RPH3A: variants seen among roughly 807,000 people sequenced by gnomAD.
The protein encoded by RPH3A is rabphilin-3A.
In RPH3A, 48 loss-of-function variants were observed where a neutral mutation model predicts 102.2. The observed-to-expected ratio is 0.47, with a 90% CI of 0.37 to 0.60. The LOEUF is 0.60. Among genes scored for constraint, RPH3A ranks in the 20% least tolerant of loss-of-function variants. The probability of loss-of-function intolerance (pLI) is 0.00; values close to 1 mark genes in which losing one functional copy is unlikely to be tolerated. For synonymous variants in RPH3A, 310 were observed against 324.3 expected (o/e 0.96, Z 0.47); for missense variants, 781 against 910.1 (o/e 0.86, Z 1.83).
intron 1 of RPH3A, among the ~76,000 whole-genome samples, chr12:112,781,576 G>A (rs950997976): frequency 6.6e-6 from 1 of 152,182 alleles, no homozygotes; most frequent in Non-Finnish European, 1.5e-5. Context: ...AGTTTCCTGG[G>A]TGTGGTGGTA....
At chr12:112,878,435 A>G (rs940671555) in intron 13 of RPH3A, among the ~76,000 whole-genome samples, 8 of 152,206 alleles carry the variant, frequency 5.3e-5, no homozygotes, top group African/African-American at 1.9e-4. Context: ...TTTATTGAGC[A>G]TGTACAAAGT....
chr12:112,764,445 C>A (rs1440619937), intron 1 of RPH3A, among the ~76,000 whole-genome samples: 1 of 152,100 alleles, frequency 6.6e-6, no homozygotes, highest in Non-Finnish European at 1.5e-5. Flanking sequence ...TCTTTCAGAC[C>A]TTTGAAGGTA....
At chr12:112,892,440 G>A (rs2043113555) in intron 19 of RPH3A, among the ~76,000 whole-genome samples, 1 of 152,144 alleles carries the variant, frequency 6.6e-6, no homozygotes, top group South Asian at 2.1e-4. Context: ...ACAATCTTAG[G>A]CTACAGTGCA....
At chr12:112,752,499 A>G (rs2040791382) in intron 1 of RPH3A, among the ~76,000 whole-genome samples, 1 of 151,342 alleles carries the variant, frequency 6.6e-6, no homozygotes, top group Non-Finnish European at 1.5e-5. Flanking sequence ...TATCTCTTGT[A>G]TGTCTTCTGT....
chr12:112,826,426 A>G (rs1593049645), intron 2 of RPH3A, among the ~76,000 whole-genome samples: 1 of 152,168 alleles, frequency 6.6e-6, no homozygotes, highest in Non-Finnish European at 1.5e-5. Context: ...GAGTGACATA[A>G]CTGACTTGCT....
At chr12:112,592,843 T>C (rs761516685) in intron 1 of RPH3A, among the ~76,000 whole-genome samples, 1 of 152,152 alleles carries the variant, frequency 6.6e-6, no homozygotes, top group African/African-American at 2.4e-5. Flanking sequence ...TTCCTGTCAA[T>C]GGGCTATGAG....
At chr12:112,624,120 A>C (rs1369295969) in intron 1 of RPH3A, among the ~76,000 whole-genome samples, 11 of 142,272 alleles carry the variant, frequency 7.7e-5, no homozygotes, top group South Asian at 5.0e-4. Context: ...AAGATCCAAA[A>C]TTGACACCCT....
intron 1 of RPH3A, among the ~76,000 whole-genome samples, chr12:112,741,756 C>T (rs1423145151): frequency 2.6e-5 from 4 of 152,154 alleles, no homozygotes; most frequent in Non-Finnish European, 5.9e-5. Context: ...GTGTTGAAGA[C>T]AAAAGAGGAT....
At chr12:112,678,523 A>G (rs949730673) in intron 1 of RPH3A, among the ~76,000 whole-genome samples, 25 of 152,158 alleles carry the variant, frequency 1.6e-4, no homozygotes, top group African/African-American at 5.8e-4. Flanking sequence ...TCATATTGAC[A>G]ACACCAAGAA....
chr12:112,673,838 C>T (rs991106096), intron 1 of RPH3A, among the ~76,000 whole-genome samples: 7 of 152,158 alleles, frequency 4.6e-5, no homozygotes, highest in Admixed American at 2.6e-4. Context: ...CACAGCCCCC[C>T]ACTACCCTTC....
At chr12:112,866,013 C>T (rs1398039786) in intron 6 of RPH3A, among the ~76,000 whole-genome samples, 3 of 152,152 alleles carry the variant, frequency 2.0e-5, no homozygotes, top group African/African-American at 7.2e-5. Context: ...TTCTCAAAGG[C>T]GAGTAATCCT....
At chr12:112,802,969 C>T (rs563753069) in intron 2 of RPH3A, among the ~76,000 whole-genome samples, 27 of 152,314 alleles carry the variant, frequency 1.8e-4, no homozygotes, top group African/African-American at 5.5e-4. Flanking sequence ...AAAGCTCCAG[C>T]GGCTGGAAGT....
chr12:112,869,731 C>A, intron 8 of RPH3A, 28 bp from the exon 9 acceptor site: 1 of 1,613,276 alleles, frequency 6.2e-7, no homozygotes, highest in East Asian at 2.2e-5. Flanking sequence ...AACCAGTACT[C>A]CTCATAATTT....
chr12:112,621,931 C>A (rs1044927074), intron 1 of RPH3A, among the ~76,000 whole-genome samples: 5 of 150,472 alleles, frequency 3.3e-5, no homozygotes, highest in Admixed American at 1.3e-4. Context: ...CTGGGAGGCA[C>A]CCCCCAGCAG....
At chr12:112,799,843 G>A (rs2041307618) in intron 2 of RPH3A, among the ~76,000 whole-genome samples, 3 of 152,280 alleles carry the variant, frequency 2.0e-5, no homozygotes, top group South Asian at 4.1e-4. Context: ...GTTAAAACAC[G>A]GAGTTTGTGA....
chr12:112,707,122 G>A (rs1395864547), intron 1 of RPH3A, among the ~76,000 whole-genome samples: 1 of 152,146 alleles, frequency 6.6e-6, no homozygotes. Context: ...TAAGAGGTAA[G>A]CTGCAAATGC....
intron 1 of RPH3A, among the ~76,000 whole-genome samples, chr12:112,694,650 G>A (rs139104881): frequency 4.7e-4 from 46 of 98,592 alleles, no homozygotes; most frequent in South Asian, 1.8e-3. Context: ...GCGCGCACAC[G>A]CACACACACA....
At chr12:112,621,558 C>T (rs1246695290) in intron 1 of RPH3A, among the ~76,000 whole-genome samples, 18 of 146,792 alleles carry the variant, frequency 1.2e-4, no homozygotes, top group Non-Finnish European at 1.6e-4. Flanking sequence ...GAGGGTCCTA[C>T]GCCCACGGAG....
intron 16 of RPH3A, among the ~76,000 whole-genome samples, chr12:112,885,181 C>A (rs999892543): frequency 6.6e-6 from 1 of 152,318 alleles, no homozygotes; most frequent in Admixed American, 6.5e-5. Context: ...ATTCTAGTAG[C>A]TGTTTCTAGG....
Sources: allele counts gnomAD v4.1 joint callset (sites outside exome capture counted in the v4.1 genomes callset), GRCh38; gene constraint gnomAD v4.1.1; transcripts MANE v1.5; gene names NCBI Gene and HGNC (gene_info 2026-07-23, HGNC 2026-07-21).